The following GNB1 variants were observed in gnomAD, a reference collection of about 807,000 sequenced individuals.
The protein encoded by GNB1 is guanine nucleotide-binding protein G(I)/G(S)/G(T) subunit beta-1.
Under a neutral mutation model 42.9 loss-of-function variants are expected in GNB1, and 2 were observed. The ratio of observed to expected loss-of-function variants is 0.05; its 90% confidence interval spans 0.02 to 0.15. GNB1 has a LOEUF of 0.15. GNB1 is among the 10% of genes least tolerant of loss of function. The pLI, the probability that GNB1 is intolerant of heterozygous loss-of-function variation, is 1.00. For synonymous variants in GNB1, 183 were observed against 174.7 expected, an observed-to-expected ratio of 1.05 and a Z score of -0.38; for missense variants, 193 against 462.2, an observed-to-expected ratio of 0.42 and a Z score of 5.34.
intron 5 of GNB1, among the ~76,000 whole-genome samples, chr1:1,814,929 G>A (rs1015423946): frequency 3.3e-5 from 5 of 151,656 alleles, no homozygotes; most frequent in African/African-American, 9.7e-5. Context: ...TGGCTAACAT[G>A]GTGAAACCCC....
intron 8 of GNB1, among the ~76,000 whole-genome samples, chr1:1,792,230 T>C (rs777912283): frequency 6.6e-6 from 1 of 152,202 alleles, no homozygotes; most frequent in African/African-American, 2.4e-5. Context: ...TGGAATCACT[T>C]GAATTGTGAC....
intron 1 of GNB1, among the ~76,000 whole-genome samples, chr1:1,864,275 C>T (rs988566369): frequency 3.1e-5 from 4 of 130,814 alleles, no homozygotes; most frequent in Admixed American, 9.0e-5. Flanking sequence ...AAGATCGTGC[C>T]ACTGCACTCC....
chr1:1,793,199 G>A, intron 8 of GNB1, 46 bp downstream of exon 8: 1 of 1,176,170 alleles, frequency 8.5e-7, no homozygotes, highest in East Asian at 2.4e-5. Context: ...ATGTGCCAGG[G>A]GCTGTGGGTT....
Position 1,789,110 on chromosome 1 carries a change from C to G in GNB1, c.859G>C (p.Ala287Pro). The change falls in exon 10 of 12, where the codon GCT (alanine) becomes CCT (proline). Residue 287 changes from alanine (A) to proline (P), a missense_variant. Ala to Pro is a conservative substitution (Grantham distance 27). Coordinates refer to ENST00000378609, the MANE Select transcript of GNB1 (RefSeq NM_002074.5). ...SFSKSGRLLL[A>P]GYDDFNCNVW... ...TTGCAGTTGAAGTCGTCGTACCCAGCAAGGAGGAGGCGCCCGCTCTTGGAG... is the reference window on the plus strand; with the variant it reads ...TTGCAGTTGAAGTCGTCGTACCCAGGAAGGAGGAGGCGCCCGCTCTTGGAG... 1 of 1,614,214 alleles carries G rather than the reference C, an allele frequency of 6.2e-7. No homozygotes were observed. The highest frequency in any genetic ancestry group is 8.5e-7 in the Non-Finnish European group (1 of 1,180,040).
chr1:1,860,779 CA>C (rs1648580227), intron 1 of GNB1, among the ~76,000 whole-genome samples: 1 of 151,970 alleles, frequency 6.6e-6, no homozygotes, highest in Admixed American at 6.6e-5. Flanking sequence ...AAATCCACCC[CA>C]AAAGCCTCAC....
In GNB1 at chr1:1,810,208, G is replaced by A. The variant is rs540595285; in HGVS notation, c.204-3670C>T. The stretch of plus-strand genomic sequence containing the variant: ...AGCCTCCCAAATAGCTGGGACTACA[G>A]GCACCTGCCACCGCGCCTGGCTTAT... On this transcript the variant is annotated intron_variant, in intron 5 of 11. Transcript: ENST00000378609. Among the ~76,000 whole-genome samples, 227 of 152,048 alleles carry A rather than the reference G, an allele frequency of 1.5e-3. 9 individuals are homozygous for A. In the South Asian group the frequency reaches 0.046, roughly 31 times the overall value.
At chr1:1,890,450 C>T (rs1472513739) in intron 1 of GNB1, 1 of 149,456 alleles carries the variant, frequency 6.7e-6, no homozygotes, top group African/African-American at 2.4e-5. Context: ...CGCCGCGGGC[C>T]CGAGAGCCAC....
At chr1:1,868,318 G>A (rs972076542) in intron 1 of GNB1, among the ~76,000 whole-genome samples, 11 of 152,030 alleles carry the variant, frequency 7.2e-5, no homozygotes, top group African/African-American at 2.4e-4. Flanking sequence ...TGGGATTACA[G>A]GCATGAGCCA....
In GNB1 at chr1:1,796,755, A is replaced by T. The variant is rs148257006; in HGVS notation, c.431-3444T>A. ...CACAAAGGTGGCACCAAGTGCCTCA[A>T]GGAGAGGCTGAAACGCGGCCTGGGG... On this transcript the variant is annotated intron_variant, in intron 7 of 11. Coordinates refer to ENST00000378609, the MANE Select transcript of GNB1 (RefSeq NM_002074.5). Among the ~76,000 whole-genome samples, 3 of 152,312 alleles carry T rather than the reference A, an allele frequency of 2.0e-5. No individual in the cohort carries two copies. In the East Asian group the frequency reaches 5.8e-4, roughly 29 times the overall value.
intron 1 of GNB1, among the ~76,000 whole-genome samples, chr1:1,869,750 ACAAAAACTT>A (rs988702624): frequency 4.6e-5 from 7 of 152,228 alleles, no homozygotes; most frequent in African/African-American, 1.7e-4. Context: ...GTCAATATAT[ACAAAAACTT>A]CAGAGCTATT....
intron 3 of GNB1, chr1:1,825,135 A>G: frequency 5.5e-6 from 2 of 365,726 alleles, no homozygotes; most frequent in Non-Finnish European, 1.0e-5. Flanking sequence ...GGTTATGATA[A>G]AGAATGCAAA....
In GNB1 at chr1:1,790,560, GGTC is replaced by G. The variant is rs1646467865; in HGVS notation, c.531_533del (p.Thr179del). On this transcript the variant is annotated inframe_deletion, in exon 9 of 12. Coordinates refer to ENST00000378609, the MANE Select transcript of GNB1 (RefSeq NM_002074.5). This position sits in a 1 kb window ranked among gnomAD's most constrained non-coding sequence, Gnocchi z 5.4. ...CATCTCCAGTGTGTCCGGTAAACGT[GGTC>G]GTCTGCTGGCCGGTCTCGATGTCCC... 6.2e-7 allele frequency: 1 copy of G among 1,613,574 alleles called. No individual in the cohort carries two copies. Among genetic ancestry groups the G allele is most frequent in the Non-Finnish European group, 8.5e-7 (1 of 1,179,680 alleles).
chr1:1,868,450 A>C (rs1649064144), intron 1 of GNB1, among the ~76,000 whole-genome samples: 1 of 152,190 alleles, frequency 6.6e-6, no homozygotes, highest in Admixed American at 6.5e-5. Flanking sequence ...GATTACAAGC[A>C]TGAGACACCG....
At chr1:1,830,827 A>G (rs1487625072) in intron 2 of GNB1, among the ~76,000 whole-genome samples, 1 of 151,532 alleles carries the variant, frequency 6.6e-6, no homozygotes, top group East Asian at 2.0e-4. Context: ...ACTCTAATCT[A>G]TTGCATGAGC....
chr1:1,883,093 C>T (rs1649943009), intron 1 of GNB1, among the ~76,000 whole-genome samples: 2 of 151,094 alleles, frequency 1.3e-5, no homozygotes, highest in Admixed American at 1.3e-4. Context: ...GAGTTGGAGA[C>T]CAGCCTGTCT....
intron 1 of GNB1, among the ~76,000 whole-genome samples, chr1:1,889,428 G>A (rs562149328): frequency 1.3e-4 from 20 of 152,278 alleles, no homozygotes; most frequent in African/African-American, 4.6e-4. Context: ...CACCCTAACT[G>A]TAAATGTACA....
intron 1 of GNB1, among the ~76,000 whole-genome samples, chr1:1,857,011 C>T (rs1465111806): frequency 6.6e-6 from 1 of 152,164 alleles, no homozygotes; most frequent in Non-Finnish European, 1.5e-5. Context: ...GGTATTTTCA[C>T]CAGGTAATTA....
At chr1:1,886,594 C>G (rs1650170149) in intron 1 of GNB1, among the ~76,000 whole-genome samples, 1 of 152,216 alleles carries the variant, frequency 6.6e-6, no homozygotes, top group South Asian at 2.1e-4. Context: ...ATTTTATCTC[C>G]TCATTCTGTG....
chr1:1,845,824 TACACACACACACACACACACACACAC>T (rs55953457), intron 1 of GNB1, among the ~76,000 whole-genome samples: 31 of 140,280 alleles, frequency 2.2e-4, no homozygotes, highest in Non-Finnish European at 2.8e-4. Context: ...TGTAAGTCCA[TACACACACACACACACACACACACAC>T]ACACACACAC....
Sources: gnomAD v4.1 joint callset for allele counts (sites outside exome capture counted in the v4.1 genomes callset) on GRCh38, gnomAD v4.1.1 for gene constraint, Gnocchi (gnomAD v3.1) non-coding constraint, MANE v1.5 for transcripts, NCBI Gene and HGNC (gene_info 2026-07-23, HGNC 2026-07-21) for gene names.